Variants in ITGA8 observed in about 807,000 individuals in gnomAD.
The protein encoded by ITGA8 is integrin alpha-8.
Under a neutral mutation model 142.3 loss-of-function variants are expected in ITGA8, and 91 were observed. That is an observed-to-expected ratio of 0.64 (90% confidence interval 0.54 to 0.76). The LOEUF (loss-of-function observed/expected upper bound fraction) is 0.76. Ranked by LOEUF, ITGA8 falls within the 30% of genes least tolerant of loss-of-function variation. The pLI, the probability that ITGA8 is intolerant of heterozygous loss-of-function variation, is 0.00. For synonymous variants in ITGA8, 505 were observed against 485.2 expected (o/e 1.04, Z -0.54); for missense variants, 1,406 against 1,327.7 (o/e 1.06, Z -0.92).
intron 27 of ITGA8, among the ~76,000 whole-genome samples, chr10:15,533,700 A>C (rs1833358483): frequency 6.6e-6 from 1 of 152,206 alleles, no homozygotes; most frequent in African/African-American, 2.4e-5. Flanking sequence ...TCTGCATCAA[A>C]ATCTTTCTAG....
At chr10:15,561,343 TA>T (rs886708249) in intron 25 of ITGA8, among the ~76,000 whole-genome samples, 2 of 151,466 alleles carry the variant, frequency 1.3e-5, no homozygotes, top group Non-Finnish European at 2.9e-5. Context: ...CACTATTATT[TA>T]AAATGCTCTT....
At chr10:15,519,141 A>T (rs1833011713) in intron 29 of ITGA8, 149 bp downstream of exon 29, 1 of 821,908 alleles carries the variant, frequency 1.2e-6, no homozygotes, top group East Asian at 2.5e-5. Context: ...CAAAGCAAAC[A>T]AGACACGATT....
At chr10:15,718,349 G>C (rs913674513) in intron 2 of ITGA8, among the ~76,000 whole-genome samples, 2 of 152,158 alleles carry the variant, frequency 1.3e-5, no homozygotes, top group Admixed American at 6.5e-5. Flanking sequence ...GCTAAGTCCT[G>C]CCTCCCGAGC....
chr10:15,538,645 T>C (rs1387552589), intron 27 of ITGA8, among the ~76,000 whole-genome samples: 1 of 151,298 alleles, frequency 6.6e-6, no homozygotes, highest in Non-Finnish European at 1.5e-5. Context: ...ACTTAAAGTA[T>C]AATAATAATA....
At chr10:15,699,735 G>C (rs1160670034) in intron 2 of ITGA8, among the ~76,000 whole-genome samples, 1 of 152,124 alleles carries the variant, frequency 6.6e-6, no homozygotes, top group Non-Finnish European at 1.5e-5. Flanking sequence ...ATATTCTTTT[G>C]ATTAGACATG....
intron 26 of ITGA8, among the ~76,000 whole-genome samples, chr10:15,549,128 T>C (rs1833736529): frequency 6.6e-6 from 1 of 151,996 alleles, no homozygotes; most frequent in South Asian, 2.1e-4. Context: ...AAATGTGTGT[T>C]CCTCAAAAGG....
At chr10:15,523,769 A>C (rs1048731132) in intron 28 of ITGA8, among the ~76,000 whole-genome samples, 1 of 151,004 alleles carries the variant, frequency 6.6e-6, no homozygotes, top group African/African-American at 2.4e-5. Flanking sequence ...AAAAAAAAAA[A>C]AAAAAAATTA....
chr10:15,550,830 A>G, intron 26 of ITGA8, among the ~76,000 whole-genome samples: 1 of 151,994 alleles, frequency 6.6e-6, no homozygotes. Context: ...GGGATGGGTA[A>G]TATGAGAGGA....
intron 20 of ITGA8, among the ~76,000 whole-genome samples, chr10:15,600,069 C>G (rs1437646270): frequency 1.3e-5 from 2 of 152,244 alleles, no homozygotes; most frequent in African/African-American, 2.4e-5. Context: ...ATAGTGACAG[C>G]AGCTTCTCTA....
At chr10:15,540,975 G>A (rs57322135) in intron 27 of ITGA8, among the ~76,000 whole-genome samples, 8,400 of 152,280 alleles carry the variant, frequency 0.055, 755 homozygotes, top group African/African-American at 0.19. Context: ...CGACCTGGAA[G>A]TTATTGCCCC....
chr10:15,554,411 T>C (rs1564349104), intron 26 of ITGA8, among the ~76,000 whole-genome samples: 1 of 152,212 alleles, frequency 6.6e-6, no homozygotes, highest in South Asian at 2.1e-4. Flanking sequence ...TGCACTATTC[T>C]TTTGGGCTAG....
chr10:15,579,735 G>T (rs1834368739), intron 23 of ITGA8, among the ~76,000 whole-genome samples: 1 of 151,928 alleles, frequency 6.6e-6, no homozygotes, highest in Non-Finnish European at 1.5e-5. Flanking sequence ...ATCGAGATTA[G>T]CTCCAAATAT....
At chr10:15,620,416 C>T (rs1833467681) in intron 13 of ITGA8, among the ~76,000 whole-genome samples, 1 of 152,128 alleles carries the variant, frequency 6.6e-6, no homozygotes, top group Non-Finnish European at 1.5e-5. Context: ...GACACCCTCC[C>T]AACGGTAATG....
At position 15,719,604 on chromosome 10, in the gene ITGA8, G is replaced by A. The variant is rs1405760638; in HGVS notation, c.168C>T (p.Tyr56=). Residue 56 remains tyrosine, a synonymous_variant, in exon 1 of 30, where the codon TAC becomes TAT. Transcript: ENST00000378076. The part of the protein sequence containing the change: ...LTVYSGPKGS[Y]FGYAVDFHIP... The stretch of plus-strand genomic sequence containing the variant: ...TGTGGAAGTCCACGGCGTAGCCGAA[G>A]TAGCTGCCCTTGGGGCCGCTGTACA... The A allele has an allele frequency of 2.6e-6, 4 of 1,562,572 alleles. No individual in the cohort carries two copies. The highest frequency in any genetic ancestry group is 1.4e-5 in the African/African-American group (1 of 70,550).
chr10:15,518,808 A>G (rs1434174478), intron 29 of ITGA8, among the ~76,000 whole-genome samples: 1 of 152,220 alleles, frequency 6.6e-6, no homozygotes, highest in African/African-American at 2.4e-5. Flanking sequence ...CACATGCATA[A>G]TCTATTTGGC....
At chr10:15,558,331 G>T in intron 25 of ITGA8, 129 bp from the exon 26 acceptor site, 1 of 1,026,436 alleles carries the variant, frequency 9.7e-7, no homozygotes, top group Non-Finnish European at 1.4e-6. Context: ...CCAGACCTGT[G>T]ATTACCAGCA....
At chr10:15,530,473 G>C (rs1048958564) in intron 28 of ITGA8, among the ~76,000 whole-genome samples, 1 of 149,250 alleles carries the variant, frequency 6.7e-6, no homozygotes, top group Non-Finnish European at 1.5e-5. Context: ...TTGAACCTCG[G>C]AGGCAACGGT....
chr10:15,655,242 G>C (rs113445212), intron 11 of ITGA8, 112 bp downstream of exon 11: 31 of 640,706 alleles, frequency 4.8e-5, no homozygotes, highest in African/African-American at 3.8e-4. Flanking sequence ...GAGAACAAGA[G>C]AGCCTCTATC....
At chr10:15,557,440 T>A (rs1456158101) in intron 26 of ITGA8, among the ~76,000 whole-genome samples, 1 of 152,214 alleles carries the variant, frequency 6.6e-6, no homozygotes, top group Non-Finnish European at 1.5e-5. Flanking sequence ...AAGGGCTAAC[T>A]AAGCTCAGGC....
Sources: allele counts gnomAD v4.1 joint callset (sites outside exome capture counted in the v4.1 genomes callset), GRCh38; gene constraint gnomAD v4.1.1; transcripts MANE v1.5; gene names NCBI Gene and HGNC (gene_info 2026-07-23, HGNC 2026-07-21).